ZFHX3: variants seen among roughly 807,000 people sequenced by gnomAD.
ZFHX3 encodes the protein zinc finger homeobox protein 3.
Under a neutral mutation model 279.1 loss-of-function variants are expected in ZFHX3, and 42 were observed. That is an observed-to-expected ratio of 0.15 (90% confidence interval 0.12 to 0.19). The LOEUF is 0.19. Among genes scored for constraint, ZFHX3 ranks in the 10% least tolerant of loss-of-function variants. The pLI, the probability that ZFHX3 is intolerant of heterozygous loss-of-function variation, is 1.00. For missense variants in ZFHX3, 4,981 were observed against 4,754.0 expected (o/e 1.05, Z -1.40); for synonymous variants, 2,293 against 1,957.8 (o/e 1.17, Z -4.52).
chr16:73,197,974 G>A (rs1254173612), intron 5 of ZFHX3, among the ~76,000 whole-genome samples: 1 of 106,404 alleles, frequency 9.4e-6, no homozygotes, highest in East Asian at 3.2e-4. Flanking sequence ...GTATTGCTCT[G>A]TCGCCAAGGC....
At chr16:72,821,142 G>C (rs1163314591) in intron 5 of ZFHX3, among the ~76,000 whole-genome samples, 1 of 152,206 alleles carries the variant, frequency 6.6e-6, no homozygotes, top group African/African-American at 2.4e-5. Context: ...AGGGAGAACT[G>C]CTGAATATAA....
intron 1 of ZFHX3, among the ~76,000 whole-genome samples, chr16:73,887,571 AG>A (rs2030387872): frequency 6.6e-6 from 1 of 152,214 alleles, no homozygotes; most frequent in Admixed American, 6.5e-5. Context: ...AACAAAAAAA[AG>A]CAGGCTCTTG....
At chr16:72,883,029 T>A (rs1418334026) in intron 4 of ZFHX3, among the ~76,000 whole-genome samples, 3 of 146,808 alleles carry the variant, frequency 2.0e-5, no homozygotes, top group Non-Finnish European at 4.5e-5. Context: ...TGTGTGTGTG[T>A]GTGTGTGTGT....
At chr16:73,243,218 G>A (rs1163770574) in intron 5 of ZFHX3, among the ~76,000 whole-genome samples, 2 of 152,188 alleles carry the variant, frequency 1.3e-5, no homozygotes, top group Non-Finnish European at 2.9e-5. Flanking sequence ...AGGCCTGGTG[G>A]GATGGGTGTC....
chr16:73,000,933 C>G (rs1305400259), intron 1 of ZFHX3, among the ~76,000 whole-genome samples: 1 of 152,196 alleles, frequency 6.6e-6, no homozygotes, highest in Non-Finnish European at 1.5e-5. Context: ...AAACTGTCGC[C>G]TCACTCAGTC....
intron 5 of ZFHX3, among the ~76,000 whole-genome samples, chr16:73,213,874 C>G (rs1484962830): frequency 1.3e-5 from 2 of 152,140 alleles, no homozygotes; most frequent in East Asian, 3.8e-4. Context: ...CAGAAGATGG[C>G]TCTCCTATTC....
chr16:73,387,593 C>T (rs1376994190), intron 3 of ZFHX3, among the ~76,000 whole-genome samples: 2 of 152,028 alleles, frequency 1.3e-5, no homozygotes, highest in Admixed American at 6.5e-5. Flanking sequence ...AAAATAGCCT[C>T]TTTTCAATAA....
intron 3 of ZFHX3, among the ~76,000 whole-genome samples, chr16:73,332,026 C>T (rs959420732): frequency 1.1e-4 from 16 of 152,180 alleles, no homozygotes; most frequent in Admixed American, 2.0e-4. Flanking sequence ...TGTTCAACTC[C>T]ATGCCTTATG....
intron 1 of ZFHX3, among the ~76,000 whole-genome samples, chr16:73,694,763 C>G (rs2053180478): frequency 2.0e-5 from 3 of 152,226 alleles, no homozygotes; most frequent in Admixed American, 2.0e-4. Context: ...ATGAATGTCT[C>G]TCAATGGCCA....
chr16:73,070,757 A>G (rs898932171), intron 8 of ZFHX3, among the ~76,000 whole-genome samples: 2 of 147,240 alleles, frequency 1.4e-5, no homozygotes, highest in African/African-American at 5.1e-5. Flanking sequence ...CTCCCTCCCC[A>G]GGCCGCCTGC....
chr16:73,347,844 A>C (rs1472443618), intron 3 of ZFHX3, among the ~76,000 whole-genome samples: 1 of 152,246 alleles, frequency 6.6e-6, no homozygotes, highest in African/African-American at 2.4e-5. Context: ...TAAAGTCCTG[A>C]ACACTATAAA....
rs2019232610 is a variant in ZFHX3, at chr16:73,501,132, A to G, written c.-1546-44874T>C. On this transcript the variant is annotated intron_variant, in intron 2 of 17. Transcript: ENST00000641206. Reference sequence around the variant, plus strand: ...ACAAATGTTTACCATTGTGTTATAAATGCCTATAGTATTCACTACAGTAGC... The same window carrying G: ...ACAAATGTTTACCATTGTGTTATAAGTGCCTATAGTATTCACTACAGTAGC... 1.3e-5 allele frequency among the ~76,000 whole-genome samples: 2 copies of G among 152,266 alleles called. 1 individual carries two copies. Among genetic ancestry groups the G allele is most frequent in the South Asian group, 4.1e-4 (2 of 4,838 alleles).
At chr16:73,692,448 C>A (rs941873728) in intron 1 of ZFHX3, among the ~76,000 whole-genome samples, 11 of 152,110 alleles carry the variant, frequency 7.2e-5, no homozygotes, top group Admixed American at 5.9e-4. Flanking sequence ...TATTTTATTT[C>A]TTAACTATGG....
intron 1 of ZFHX3, among the ~76,000 whole-genome samples, chr16:73,861,425 G>T (rs1268309442): frequency 6.6e-6 from 1 of 152,224 alleles, no homozygotes; most frequent in African/African-American, 2.4e-5. Flanking sequence ...GAAATATGGG[G>T]AGGTTAGAGT....
chr16:73,293,414 A>G (rs1470754801), intron 4 of ZFHX3, among the ~76,000 whole-genome samples: 1 of 152,210 alleles, frequency 6.6e-6, no homozygotes, highest in African/African-American at 2.4e-5. Flanking sequence ...TAGGAAGGGG[A>G]TTACAAATTT....
At chr16:72,956,587 T>C (rs897064633) in intron 2 of ZFHX3, among the ~76,000 whole-genome samples, 2 of 152,214 alleles carry the variant, frequency 1.3e-5, no homozygotes, top group African/African-American at 4.8e-5. Context: ...GTAAGCCAAT[T>C]GGTAAGACTG....
At chr16:73,545,720 C>T (rs906015118) in intron 2 of ZFHX3, among the ~76,000 whole-genome samples, 4 of 151,274 alleles carry the variant, frequency 2.6e-5, no homozygotes, top group African/African-American at 7.3e-5. Flanking sequence ...TATTTATTTA[C>T]TTATTTATTT....
chr16:73,495,177 C>A (rs1325471403), intron 2 of ZFHX3, among the ~76,000 whole-genome samples: 1 of 152,180 alleles, frequency 6.6e-6, no homozygotes, highest in South Asian at 2.1e-4. Flanking sequence ...TAAAATATTA[C>A]CTTTTATTCC....
chr16:73,653,043 C>T (rs978967572), intron 2 of ZFHX3, among the ~76,000 whole-genome samples: 6 of 152,054 alleles, frequency 3.9e-5, no homozygotes, highest in African/African-American at 9.6e-5. Flanking sequence ...AAAGAAAGAA[C>T]GTGAACATAT....
Sources: allele counts gnomAD v4.1 joint callset (sites outside exome capture counted in the v4.1 genomes callset), GRCh38; gene constraint gnomAD v4.1.1; transcripts MANE v1.5; gene names NCBI Gene and HGNC (gene_info 2026-07-23, HGNC 2026-07-21).